Variants in VPS13C observed in about 807,000 individuals in gnomAD.
VPS13C encodes intermembrane lipid transfer protein VPS13C.
In VPS13C, 358 loss-of-function variants were observed where a neutral mutation model predicts 456.8. The ratio of observed to expected loss-of-function variants is 0.78; its 90% CI spans 0.72 to 0.86. The LOEUF (loss-of-function observed/expected upper bound fraction) is 0.86, where lower values mean the gene tolerates loss of function less well. Among genes scored for constraint, VPS13C ranks in the 40% least tolerant of loss-of-function variants. The pLI, the probability that VPS13C is intolerant of heterozygous loss-of-function variation, is 0.00. For missense variants in VPS13C, 4,818 were observed against 4,385.4 expected, an observed-to-expected ratio of 1.10 and a Z score of -2.79; for synonymous variants, 1,578 against 1,486.7, an observed-to-expected ratio of 1.06 and a Z score of -1.41.
chr15:61,881,776 G>C lies in VPS13C; in HGVS notation c.9677C>G (p.Ala3226Gly). 1 of 1,608,744 alleles carries C rather than the reference G, an allele frequency of 6.2e-7. No homozygotes were observed. Among genetic ancestry groups the C allele is most frequent in the Non-Finnish European group, 8.5e-7 (1 of 1,178,528 alleles). ...AMFPVVFHPV[A>G]PPKSIALDSE... ...ATCTAAAGCAATAGATTTTGGAGGGGCAACAGGATGAAATACAACAGGGAA... is the reference window on the plus strand; with the variant it reads ...ATCTAAAGCAATAGATTTTGGAGGGCCAACAGGATGAAATACAACAGGGAA... Residue 3226 changes from alanine to glycine, a missense_variant, in exon 70 of 85, where the codon GCC becomes GGC. Transcript: ENST00000644861.
intron 75 of VPS13C, 109 bp downstream of exon 75, chr15:61,876,864 C>A: frequency 1.4e-6 from 1 of 735,950 alleles, no homozygotes; most frequent in African/African-American, 1.8e-5. Flanking sequence ...ACGGAGATTT[C>A]AAAGTGAGAT....
intron 14 of VPS13C, among the ~76,000 whole-genome samples, chr15:62,008,050 G>A (rs1248213098): frequency 6.6e-6 from 1 of 152,086 alleles, no homozygotes; most frequent in East Asian, 1.9e-4. Flanking sequence ...ATGTCGAGAT[G>A]CTGAAAGCCT....
In VPS13C at chr15:61,854,832, A is replaced by G. The variant is rs112258238; in HGVS notation, c.11160+39T>C. The G allele has an allele frequency of 5.1e-6, 8 of 1,553,784 alleles. No homozygotes were observed. In the African/African-American group the frequency reaches 1.1e-4, roughly 21 times the overall value. ...TAAGAGGCTTTTAAAAAAGTATTTC[A>G]GCTAAAAAAAATTGAGGCATGCTCT... On this transcript the variant is annotated intron_variant, in intron 84 of 84. Transcript: ENST00000644861.
rs368547307 is a variant in VPS13C, at chr15:62,041,370, C to T, written c.145-4G>A. ...TAAAAGGAACATCCAATTCACTCTT[C>T]AGAAGAAAGAGAAAATGTAAAGGAC... On this transcript the variant is annotated splice_region_variant and splice_polypyrimidine_tract_variant and intron_variant, in intron 2 of 84. Transcript: ENST00000644861. 2.4e-5 allele frequency: 39 copies of T among 1,603,004 alleles called. No individual in the cohort carries two copies. Among genetic ancestry groups the T allele is most frequent in the Non-Finnish European group, 3.0e-5 (35 of 1,177,414 alleles).
At chr15:61,943,381 C>T (rs557578404) in intron 45 of VPS13C, among the ~76,000 whole-genome samples, 1 of 152,220 alleles carries the variant, frequency 6.6e-6, no homozygotes, top group South Asian at 2.1e-4. Context: ...TATAAAGCTA[C>T]AGTAACCCAA....
Position 61,934,252 on chromosome 15 carries a change from A to G in VPS13C, c.5835T>C (p.Leu1945=). 1 of 1,597,008 alleles carries G rather than the reference A, an allele frequency of 6.3e-7. No individual in the cohort carries two copies. Among genetic ancestry groups the G allele is most frequent in the Admixed American group, 1.7e-5 (1 of 58,736 alleles). Reference sequence around the variant, plus strand: ...TATCATTGTTATAAAGGATAATGGAAAGAGATTCAAAGTGAAAGTCAAATT... The same window carrying G: ...TATCATTGTTATAAAGGATAATGGAGAGAGATTCAAAGTGAAAGTCAAATT... ...SLQFDFHFES[L]SIILYNNDIN... Residue 1945 remains leucine (L), a synonymous_variant, in exon 49 of 85, where the codon CTT becomes CTC. Coordinates refer to ENST00000644861, the MANE Select transcript of VPS13C (RefSeq NM_020821.3).
At chr15:61,903,956 AC>A (rs1305262004) in intron 66 of VPS13C, among the ~76,000 whole-genome samples, 2 of 152,156 alleles carry the variant, frequency 1.3e-5, no homozygotes, top group Non-Finnish European at 2.9e-5. Flanking sequence ...CTAGACCCCT[AC>A]CTCTTGCCAT....
intron 74 of VPS13C, 88 bp from the exon 75 acceptor site, chr15:61,877,142 T>C (rs1442339447): frequency 2.2e-6 from 2 of 913,640 alleles, no homozygotes; most frequent in South Asian, 2.0e-5. Flanking sequence ...CTAATGCTAA[T>C]CATAGCCAAT....
At chr15:62,059,014 C>T (rs765519340) in intron 1 of VPS13C, among the ~76,000 whole-genome samples, 3 of 150,664 alleles carry the variant, frequency 2.0e-5, no homozygotes, top group African/African-American at 2.4e-5. Flanking sequence ...GTTCCATATA[C>T]GTAATTATAA....
chr15:61,919,416 G>A lies in VPS13C; in HGVS notation c.7511C>T (p.Pro2504Leu), dbSNP rs151095260. 4.2e-5 allele frequency: 67 copies of A among 1,590,502 alleles called. No individual in the cohort carries two copies. The highest frequency in any genetic ancestry group is 9.5e-5 in the African/African-American group (7 of 73,438). The change falls in exon 58 of 85, where the codon CCT becomes CTT. Residue 2504 changes from proline to leucine, a missense_variant. Physicochemically the swap from Pro to Leu is moderately conservative, Grantham distance 98. Coordinates refer to ENST00000644861, the MANE Select transcript of VPS13C (RefSeq NM_020821.3). ...PHGYTEVANI[P>L]VARPGRRLYN... ...CAATCGCCGTCCAGGTCTGGCCACA[G>A]GGATATTTGCAACTTCTGTATATCC...
At chr15:61,855,212 T>G (rs1392861524) in intron 83 of VPS13C, among the ~76,000 whole-genome samples, 1 of 152,262 alleles carries the variant, frequency 6.6e-6, no homozygotes, top group Admixed American at 6.5e-5. Flanking sequence ...CTATGATAAA[T>G]AGCCTACAGA....
chr15:62,014,109 C>A, intron 9 of VPS13C, 117 bp from the exon 10 acceptor site: 1 of 564,458 alleles, frequency 1.8e-6, no homozygotes, highest in South Asian at 3.8e-5. Flanking sequence ...TTAATGTTAA[C>A]TAGTATTAGC....
At chr15:62,026,617 G>A (rs543352536) in intron 6 of VPS13C, among the ~76,000 whole-genome samples, 1 of 152,038 alleles carries the variant, frequency 6.6e-6, no homozygotes, top group Admixed American at 6.5e-5. Context: ...CACTAAAAAT[G>A]GCTTTCCAGA....
At chr15:62,001,213 T>C (rs62006969) in intron 15 of VPS13C, among the ~76,000 whole-genome samples, 8,992 of 152,302 alleles carry the variant, frequency 0.059, 339 homozygotes, top group Non-Finnish European at 0.084. Flanking sequence ...TACCATTTTA[T>C]ATACGAGAAC....
chr15:61,943,271 T>C (rs967796532), intron 45 of VPS13C, among the ~76,000 whole-genome samples: 1 of 152,116 alleles, frequency 6.6e-6, no homozygotes, highest in Non-Finnish European at 1.5e-5. Flanking sequence ...AAAACTATTC[T>C]GAAATTCATA....
intron 9 of VPS13C, among the ~76,000 whole-genome samples, chr15:62,019,282 A>G (rs1184350290): frequency 2.6e-5 from 4 of 151,616 alleles, no homozygotes; most frequent in African/African-American, 7.3e-5. Context: ...TTGTGTCTCT[A>G]TTTCCTTCAG....
Position 61,959,597 on chromosome 15 carries a change from T to C in VPS13C, c.3909-2A>G, listed in dbSNP as rs2045126563. Reference sequence around the variant, plus strand: ...TAGATGCCTGGCTGGATCACTGTCCTACGAAAAACAGAAATGTTACATAAT... The same window carrying C: ...TAGATGCCTGGCTGGATCACTGTCCCACGAAAAACAGAAATGTTACATAAT... On this transcript the variant is annotated splice_acceptor_variant, in intron 35 of 84. Transcript: ENST00000644861. LOFTEE classifies it high-confidence loss of function. 1 of 1,608,280 alleles carries C rather than the reference T, an allele frequency of 6.2e-7. No individual in the cohort carries two copies. Among genetic ancestry groups the C allele is most frequent in the Non-Finnish European group, 8.5e-7 (1 of 1,176,498 alleles).
intron 15 of VPS13C, among the ~76,000 whole-genome samples, chr15:62,003,441 G>C (rs924228044): frequency 6.6e-6 from 1 of 151,948 alleles, no homozygotes; most frequent in Non-Finnish European, 1.5e-5. Flanking sequence ...GGGTTTTCTA[G>C]ATATACAATC....
At chr15:61,996,987 T>TTATATATATATATATA (rs2046405764) in intron 16 of VPS13C, among the ~76,000 whole-genome samples, 1 of 134,468 alleles carries the variant, frequency 7.4e-6, no homozygotes, top group African/African-American at 3.3e-5. Flanking sequence ...CCTATATATT[T>TTATATATATATATATA]TACATACATA....
Sources: gnomAD v4.1 joint callset for allele counts (sites outside exome capture counted in the v4.1 genomes callset) on GRCh38, gnomAD v4.1.1 for gene constraint, MANE v1.5 for transcripts, NCBI Gene and HGNC (gene_info 2026-07-23, HGNC 2026-07-21) for gene names.